ATP13A4: variants seen among roughly 807,000 people sequenced by gnomAD.
The protein encoded by ATP13A4 is ATPase 13A4.
In ATP13A4, 114 loss-of-function variants were observed where a neutral mutation model predicts 142.5. The ratio of observed to expected loss-of-function variants is 0.80; its 90% CI spans 0.69 to 0.93. The LOEUF is 0.93. Ranked by LOEUF, ATP13A4 falls within the 40% of genes least tolerant of loss-of-function variation. The probability of loss-of-function intolerance (pLI) is 0.00; values close to 1 mark genes in which losing one functional copy is unlikely to be tolerated. For missense variants in ATP13A4, 1,392 were observed against 1,454.0 expected, an observed-to-expected ratio of 0.96 and a Z score of 0.69; for synonymous variants, 488 against 514.8, an observed-to-expected ratio of 0.95 and a Z score of 0.70.
chr3:193,574,093 G>A (rs1001521662), intron 2 of ATP13A4, among the ~76,000 whole-genome samples: 1 of 152,048 alleles, frequency 6.6e-6, no homozygotes, highest in Non-Finnish European at 1.5e-5. Flanking sequence ...TTCTAAAAAA[G>A]TTTTAATGAT....
chr3:193,462,282 A>T (rs1717998637), intron 13 of ATP13A4, among the ~76,000 whole-genome samples: 3 of 152,166 alleles, frequency 2.0e-5, no homozygotes, highest in African/African-American at 4.8e-5. Context: ...AGTTCTCAAA[A>T]TTTGAATACC....
At chr3:193,549,936 GGAT>G (rs1302828307) in intron 1 of ATP13A4, among the ~76,000 whole-genome samples, 1 of 152,068 alleles carries the variant, frequency 6.6e-6, no homozygotes, top group Admixed American at 6.5e-5. Flanking sequence ...GCAAACAAAC[GGAT>G]GATATCCAAA....
chr3:193,489,036 T>C (rs1276313661), intron 7 of ATP13A4, among the ~76,000 whole-genome samples: 2 of 152,178 alleles, frequency 1.3e-5, no homozygotes, highest in African/African-American at 2.4e-5. Flanking sequence ...TTCTGTCTTA[T>C]GGCTTCCATC....
At position 193,457,429 on chromosome 3, in the gene ATP13A4, C is replaced by T. The variant is rs1459972458; in HGVS notation, c.1711G>A (p.Gly571Arg). 5 of 1,614,184 alleles carry T rather than the reference C, an allele frequency of 3.1e-6. No homozygotes were observed. Among genetic ancestry groups the T allele is most frequent in the Non-Finnish European group, 4.2e-6 (5 of 1,180,024 alleles). The change falls in exon 15 of 30, where the codon GGA (glycine) becomes AGA (arginine). Residue 571 changes from glycine (G) to arginine (R), a missense_variant. Transcript: ENST00000342695. ...ACTACCATGGCATGTGCCGGCACTC[C>T]CTTGATGTGGAAATCGTCCCCAGAA... is the stretch of plus-strand genomic sequence containing the variant. ...AFSGDDFHIK[G>R]VPAHAMVVKP...
chr3:193,440,351 C>A (rs1716554570), intron 21 of ATP13A4: 2 of 929,060 alleles, frequency 2.2e-6, no homozygotes, highest in Non-Finnish European at 3.1e-6. Flanking sequence ...TTTTTTAAGC[C>A]CCATATAAAC....
At chr3:193,561,187 C>T (rs1394782515) in intron 2 of ATP13A4, among the ~76,000 whole-genome samples, 1 of 152,244 alleles carries the variant, frequency 6.6e-6, no homozygotes, top group Non-Finnish European at 1.5e-5. Context: ...GGCACTGCCT[C>T]TGGGCAGACT....
intron 6 of ATP13A4, 52 bp from the exon 7 acceptor site, chr3:193,489,916 C>G (rs773672443): frequency 2.6e-6 from 4 of 1,564,688 alleles, no homozygotes; most frequent in Admixed American, 3.4e-5. Context: ...AGGCTTCACT[C>G]TGCTCTTCAT....
Position 193,582,763 on chromosome 3 carries a change from T to C in ATP13A4, n.92-857A>G, listed in dbSNP as rs1210662852. ...ATGTATAATACATATATAAAATATA[T>C]ATGTATATTACATATATAAAATATA... On this transcript the variant is annotated intron_variant and non_coding_transcript_variant, in intron 1 of 3. Transcript: ENST00000489140. Among the ~76,000 whole-genome samples the C allele has an allele frequency of 8.9e-5, 5 of 56,218 alleles. 1 individual carries two copies. The highest frequency in any genetic ancestry group is 4.9e-4 in the African/African-American group (5 of 10,126). 36.9% of individuals were successfully genotyped at this position (56,218 alleles called of 152,430 possible).
rs1718370488 is a variant in ATP13A4 at position 193,467,489 on chromosome 3, A to G, written c.944-3T>C. ...TTTGGTGACTGGAATACTTTCTCCT[A>G]CAGAAAACAAGCATCTTGTTTTGTG... is the stretch of plus-strand genomic sequence containing the variant. On this transcript the variant is annotated splice_polypyrimidine_tract_variant and splice_region_variant and intron_variant, in intron 9 of 29. Coordinates refer to ENST00000342695, the MANE Select transcript of ATP13A4 (RefSeq NM_032279.4). 4.3e-6 allele frequency: 7 copies of G among 1,612,972 alleles called. No individual in the cohort carries two copies. The highest frequency in any genetic ancestry group is 5.9e-6 in the Non-Finnish European group (7 of 1,179,724).
At chr3:193,507,096 G>A (rs1720899953) in intron 2 of ATP13A4, among the ~76,000 whole-genome samples, 1 of 152,104 alleles carries the variant, frequency 6.6e-6, no homozygotes, top group African/African-American at 2.4e-5. Context: ...AAAAAATGTA[G>A]TTCTGGCTTG....
intron 10 of ATP13A4, among the ~76,000 whole-genome samples, 198 bp from the exon 11 acceptor site, chr3:193,466,380 C>A (rs1238757684): frequency 6.6e-6 from 1 of 152,212 alleles, no homozygotes; most frequent in East Asian, 1.9e-4. Context: ...CTCTCTCTGG[C>A]CTTCCTTCCC....
In ATP13A4 at chr3:193,414,542, A is replaced by G. The variant is rs373324198; in HGVS notation, c.3014+37T>C. On this transcript the variant is annotated intron_variant, in intron 26 of 29. Coordinates refer to ENST00000342695, the MANE Select transcript of ATP13A4 (RefSeq NM_032279.4). ...GGCCAGAGGATGTTTGATAGAAATT[A>G]GAATGTGAGAAGCAGAAGCTGAGAC... The G allele has an allele frequency of 3.7e-6, 6 of 1,605,730 alleles. No homozygotes were observed. In the African/African-American group the frequency reaches 8.0e-5, roughly 21 times the overall value.
At chr3:193,528,935 A>G (rs918893747) in intron 1 of ATP13A4, among the ~76,000 whole-genome samples, 7 of 152,230 alleles carry the variant, frequency 4.6e-5, no homozygotes, top group Admixed American at 4.6e-4. Context: ...TTCAAATATC[A>G]CCAATGGACC....
At chr3:193,458,814 T>C (rs1407561481) in intron 14 of ATP13A4, 4 of 606,280 alleles carry the variant, frequency 6.6e-6, no homozygotes, top group Admixed American at 2.9e-5. Context: ...ATTAATATGA[T>C]CGAACCTTTA....
At chr3:193,499,792 A>T (rs1030547752) in intron 3 of ATP13A4, among the ~76,000 whole-genome samples, 4 of 152,242 alleles carry the variant, frequency 2.6e-5, no homozygotes, top group African/African-American at 9.6e-5. Flanking sequence ...AGAACCTCTT[A>T]TCAAGAGGCA....
At chr3:193,583,602 G>T (rs1169497262) in intron 1 of ATP13A4, among the ~76,000 whole-genome samples, 2 of 152,030 alleles carry the variant, frequency 1.3e-5, no homozygotes, top group African/African-American at 4.8e-5. Flanking sequence ...CATAATAGTT[G>T]TTACAGTAGA....
intron 9 of ATP13A4, 132 bp downstream of exon 9, chr3:193,470,727 G>A: frequency 7.7e-7 from 1 of 1,301,358 alleles, no homozygotes; most frequent in Non-Finnish European, 1.1e-6. Context: ...GTGGCAACGG[G>A]AAGGTCCCAT....
chr3:193,483,992 A>G lies in ATP13A4; in HGVS notation c.752T>C (p.Leu251Pro). Reference sequence around the variant, plus strand: ...ATTATGTGACTCGACGAGATGGTGGAGTTTTACAGATTGCTGAAAAAGAAG... The same window carrying G: ...ATTATGTGACTCGACGAGATGGTGGGGTTTTACAGATTGCTGAAAAAGAAG... ...VYDLREQSVK[L>P]HHLVESHNSI... The change falls in exon 8 of 30, where the codon CTC becomes CCC. Residue 251 changes from leucine (L) to proline (P), a missense_variant. By Grantham distance (98) the Leu-to-Pro change is moderately conservative (BLOSUM62 -3). Transcript: ENST00000342695. 1.2e-6 allele frequency: 2 copies of G among 1,609,094 alleles called. No homozygotes were observed. Among genetic ancestry groups the G allele is most frequent in the Non-Finnish European group, 1.7e-6 (2 of 1,175,602 alleles).
chr3:193,490,958 A>G (rs1004479518), intron 6 of ATP13A4, among the ~76,000 whole-genome samples: 21 of 152,184 alleles, frequency 1.4e-4, no homozygotes, highest in African/African-American at 3.9e-4. Flanking sequence ...TCTTCCTACA[A>G]TTTTAGGCAC....
Sources: allele counts gnomAD v4.1 joint callset (sites outside exome capture counted in the v4.1 genomes callset), GRCh38; gene constraint gnomAD v4.1.1; transcripts MANE v1.5; gene names NCBI Gene and HGNC (gene_info 2026-07-23, HGNC 2026-07-21).